LTBP1: variants seen among roughly 807,000 people sequenced by gnomAD.
The protein encoded by LTBP1 is latent-transforming growth factor beta-binding protein 1.
LTBP1 carries 129 observed loss-of-function variants against 207.6 expected under a neutral mutation model. That is an observed-to-expected ratio of 0.62 (90% confidence interval 0.54 to 0.72). LTBP1 has a LOEUF of 0.72. Ranked by LOEUF, LTBP1 falls within the 30% of genes least tolerant of loss-of-function variation. The probability of loss-of-function intolerance (pLI) is 0.00; values close to 1 mark genes in which losing one functional copy is unlikely to be tolerated. For missense variants in LTBP1, 2,281 were observed against 2,217.2 expected, an observed-to-expected ratio of 1.03 and a Z score of -0.58; for synonymous variants, 963 against 833.7, an observed-to-expected ratio of 1.16 and a Z score of -2.67.
At chr2:33,179,718 C>T (rs2086429087) in intron 5 of LTBP1, among the ~76,000 whole-genome samples, 1 of 147,672 alleles carries the variant, frequency 6.8e-6, no homozygotes, top group African/African-American at 2.7e-5. Flanking sequence ...TTTAAAAACC[C>T]AAAGCCAAGT....
chr2:33,168,802 T>C (rs943495273), intron 5 of LTBP1, among the ~76,000 whole-genome samples: 1 of 152,230 alleles, frequency 6.6e-6, no homozygotes, highest in African/African-American at 2.4e-5. Context: ...CTACACAGGC[T>C]ATTATGTATG....
intron 11 of LTBP1, among the ~76,000 whole-genome samples, chr2:33,253,251 C>G (rs186790021): frequency 6.6e-6 from 1 of 152,008 alleles, no homozygotes; most frequent in Non-Finnish European, 1.5e-5. Context: ...TATTGAGTAT[C>G]GTGCTTAATT....
At chr2:33,330,020 C>A (rs1021177090) in intron 24 of LTBP1, among the ~76,000 whole-genome samples, 2 of 152,016 alleles carry the variant, frequency 1.3e-5, no homozygotes, top group Admixed American at 1.3e-4. Flanking sequence ...ATACAACACA[C>A]CCCTTTATTA....
At chr2:33,213,437 G>A (rs1451895692) in intron 7 of LTBP1, among the ~76,000 whole-genome samples, 3 of 152,198 alleles carry the variant, frequency 2.0e-5, no homozygotes, top group Admixed American at 2.0e-4. Flanking sequence ...GCCTATATCT[G>A]TGTGATTACA....
chr2:32,994,390 C>G (rs1684915254), intron 2 of LTBP1, among the ~76,000 whole-genome samples: 1 of 151,962 alleles, frequency 6.6e-6, no homozygotes, highest in African/African-American at 2.4e-5. Flanking sequence ...CCCAAGGTGA[C>G]ACAGCCAGTA....
chr2:33,260,242 C>T (rs1054103718), intron 13 of LTBP1, among the ~76,000 whole-genome samples: 2 of 152,066 alleles, frequency 1.3e-5, no homozygotes, highest in Non-Finnish European at 2.9e-5. Flanking sequence ...TCTCTGAATC[C>T]GGCTTTCTTT....
rs374193836 is a variant in LTBP1, at chr2:33,171,272, C to A, written c.1202-15584C>A. 1.0e-4 allele frequency among the ~76,000 whole-genome samples: 13 copies of A among 127,724 alleles called. No individual in the cohort carries two copies. The East Asian group carries it at 2.8e-3, about 28-fold the overall frequency. The allele number at this position is 127,724 out of a possible 152,430, so 83.8% of individuals were successfully genotyped here. ...TTGAAAACTTTGAAAAAAATTTAGA[C>A]GAATGTATAACTAGAATAACCAATA... On this transcript the variant is annotated intron_variant, in intron 5 of 33. Coordinates refer to ENST00000404816, the MANE Select transcript of LTBP1 (RefSeq NM_206943.4).
intron 27 of LTBP1, 88 bp downstream of exon 27, chr2:33,360,867 C>A: frequency 8.1e-7 from 1 of 1,228,602 alleles, no homozygotes; most frequent in Non-Finnish European, 1.2e-6. Context: ...ATTCCCACAG[C>A]CAACTCAAGG....
intron 2 of LTBP1, among the ~76,000 whole-genome samples, chr2:32,974,074 A>G (rs1199389298): frequency 6.6e-6 from 1 of 152,212 alleles, no homozygotes; most frequent in Non-Finnish European, 1.5e-5. Flanking sequence ...GAGTGCAAAT[A>G]TCTCTTTGGT....
Position 33,347,355 on chromosome 2 carries a change from T to C in LTBP1, c.3857-12T>C. 6.2e-7 allele frequency: 1 copy of C among 1,614,090 alleles called. No homozygotes were observed. Among genetic ancestry groups the C allele is most frequent in the Non-Finnish European group, 8.5e-7 (1 of 1,179,982 alleles). On this transcript the variant is annotated splice_polypyrimidine_tract_variant and intron_variant, in intron 25 of 33. Coordinates refer to ENST00000404816, the MANE Select transcript of LTBP1 (RefSeq NM_206943.4). Reference sequence around the variant, plus strand: ...GGCACACATCTCACTTGGTCTGTGCTCCCTTTTCCAGATGTGAATGAATGT... The same window carrying C: ...GGCACACATCTCACTTGGTCTGTGCCCCCTTTTCCAGATGTGAATGAATGT...
rs1232364253 is a variant in LTBP1, at chr2:33,364,248, A to G, written c.4432A>G (p.Ile1478Val). The G allele has an allele frequency of 6.2e-7, 1 of 1,613,956 alleles. No homozygotes were observed. Among genetic ancestry groups the G allele is most frequent in the East Asian group, 2.2e-5 (1 of 44,866 alleles). ...MDECQDPSSC[I>V]DGQCVNTEGS... is the part of the protein sequence containing the mutation. ...TGAATGTCAAGACCCCAGTAGTTGTATTGATGGCCAGTGTGTTAATACAGA... is the reference window on the plus strand; with the variant it reads ...TGAATGTCAAGACCCCAGTAGTTGTGTTGATGGCCAGTGTGTTAATACAGA... The change falls in exon 30 of 34, where the codon ATT becomes GTT. Residue 1478 changes from isoleucine (I) to valine (V), a missense_variant. Physicochemically the swap from Ile to Val is conservative, Grantham distance 29 (BLOSUM62 3). Transcript: ENST00000404816.
At chr2:32,972,288 CG>C (rs1572886092) in intron 2 of LTBP1, among the ~76,000 whole-genome samples, 1 of 149,464 alleles carries the variant, frequency 6.7e-6, no homozygotes, top group East Asian at 2.0e-4. Context: ...TTTTCCTTCT[CG>C]GTTATATTTA....
intron 5 of LTBP1, among the ~76,000 whole-genome samples, chr2:33,181,182 C>A (rs4670245): frequency 1.3e-5 from 2 of 151,628 alleles, no homozygotes; most frequent in African/African-American, 4.8e-5. Context: ...TTTTGGGAAC[C>A]AGCAGCCGAA....
intron 5 of LTBP1, among the ~76,000 whole-genome samples, chr2:33,145,170 T>C (rs2082923496): frequency 6.6e-6 from 1 of 152,194 alleles, no homozygotes; most frequent in South Asian, 2.1e-4. Context: ...AATGGTTTAC[T>C]GTTCAACCTC....
At chr2:33,095,678 A>G (rs2079344608) in intron 3 of LTBP1, among the ~76,000 whole-genome samples, 1 of 152,156 alleles carries the variant, frequency 6.6e-6, no homozygotes, top group South Asian at 2.1e-4. Context: ...AAGCATATAT[A>G]TATAAATATG....
intron 2 of LTBP1, among the ~76,000 whole-genome samples, chr2:32,997,127 C>T (rs1473321411): frequency 6.6e-6 from 1 of 152,204 alleles, no homozygotes. Context: ...TCAAGCGATC[C>T]GCCCACCTCG....
At chr2:33,133,245 C>G (rs1032798507) in intron 4 of LTBP1, among the ~76,000 whole-genome samples, 3 of 152,162 alleles carry the variant, frequency 2.0e-5, no homozygotes, top group Non-Finnish European at 4.4e-5. Context: ...ATAGAGGCAT[C>G]TTGGGATGAT....
intron 23 of LTBP1, among the ~76,000 whole-genome samples, chr2:33,311,868 T>C (rs185666218): frequency 1.3e-3 from 191 of 152,340 alleles, no homozygotes; most frequent in African/African-American, 3.5e-3. Context: ...TCAATCATTA[T>C]TAAATTGACT....
intron 3 of LTBP1, among the ~76,000 whole-genome samples, chr2:33,026,675 C>A (rs2075429894): frequency 6.6e-6 from 1 of 152,202 alleles, no homozygotes; most frequent in African/African-American, 2.4e-5. Flanking sequence ...AAGGAACTCA[C>A]TCCAAGGTGC....
Sources: allele counts gnomAD v4.1 joint callset (sites outside exome capture counted in the v4.1 genomes callset), GRCh38; gene constraint gnomAD v4.1.1; transcripts MANE v1.5; gene names NCBI Gene and HGNC (gene_info 2026-07-23, HGNC 2026-07-21).